SLFN12L: variants seen among roughly 807,000 people sequenced by gnomAD.
SLFN12L encodes schlafen family member 12-like.
SLFN12L carries 34 observed loss-of-function variants against 34.8 expected under a neutral mutation model. That is an observed-to-expected ratio of 0.98 (90% CI 0.74 to 1.30). The LOEUF (loss-of-function observed/expected upper bound fraction) is 1.30. Among genes scored for constraint, SLFN12L ranks in the 50% most tolerant of loss-of-function variants. The pLI is 0.00. For missense variants in SLFN12L, 703 were observed against 696.2 expected (o/e 1.01, Z -0.11); for synonymous variants, 259 against 247.5 (o/e 1.05, Z -0.44).
chr17:35,522,694 C>T lies in SLFN12L; in HGVS notation c.-330G>A. The T allele has an allele frequency of 1.2e-6, 2 of 1,614,024 alleles. No individual in the cohort carries two copies. Among genetic ancestry groups the T allele is most frequent in the South Asian group, 1.1e-5 (1 of 91,076 alleles). On this transcript the variant is annotated 5_prime_UTR_variant, in exon 2 of 5. Transcript: ENST00000628453. ...CCTGACACACACCTCCCCAGTGTAG[C>T]CCCCCATGTTCACCAGCTTCTGCTT...
At chr17:35,490,365 T>G (rs1914787096) in intron 2 of SLFN12L, 2 of 1,333,858 alleles carry the variant, frequency 1.5e-6, no homozygotes, top group Non-Finnish European at 2.2e-6. Flanking sequence ...TACGATAGTC[T>G]CTTGATCTGC....
intron 2 of SLFN12L, among the ~76,000 whole-genome samples, chr17:35,487,179 G>A (rs942123786): frequency 6.6e-6 from 1 of 152,252 alleles, no homozygotes; most frequent in Non-Finnish European, 1.5e-5. Flanking sequence ...TGTCCATACA[G>A]CACTCCCCAC....
rs1259115721 is a variant in SLFN12L, at chr17:35,494,266, T to G, written c.87-14071A>C. 2.6e-5 allele frequency among the ~76,000 whole-genome samples: 4 copies of G among 152,278 alleles called. No homozygotes were observed. The South Asian group carries it at 8.3e-4, about 32-fold the overall frequency. ...ACAAAAAAGCTTTTATGATGGATTTTGTAAACAGATTTGTTACAGGGTGAC... is the reference window on the plus strand; with the variant it reads ...ACAAAAAAGCTTTTATGATGGATTTGGTAAACAGATTTGTTACAGGGTGAC... On this transcript the variant is annotated intron_variant, in intron 2 of 4. Transcript: ENST00000628453.
intron 1 of SLFN12L, among the ~76,000 whole-genome samples, chr17:35,525,908 C>A (rs2072330071): frequency 6.6e-6 from 1 of 152,138 alleles, no homozygotes; most frequent in South Asian, 2.1e-4. Context: ...AAGACACAGA[C>A]TGGCAAATTG....
chr17:35,530,512 GA>G (rs374099295), intron 1 of SLFN12L, among the ~76,000 whole-genome samples: 2,394 of 31,476 alleles, frequency 0.076, 299 homozygotes, highest in African/African-American at 0.15. Context: ...AAGAAAGAAA[GA>G]AAAGAAAAGA....
At chr17:35,481,819 ATATTGGTTTT>A (rs1914349962) in intron 2 of SLFN12L, among the ~76,000 whole-genome samples, 1 of 152,060 alleles carries the variant, frequency 6.6e-6, no homozygotes, top group East Asian at 1.9e-4. Flanking sequence ...CCCACAGATA[ATATTGGTTTT>A]TTTGTTTGTT....
intron 2 of SLFN12L, chr17:35,498,941 A>G (rs920646791): frequency 2.8e-6 from 2 of 722,290 alleles, no homozygotes; most frequent in Non-Finnish European, 5.1e-6. Context: ...TGGAGGTCTT[A>G]CAGGAGCGCA....
Position 35,473,547 on chromosome 17 carries a change from G to A in SLFN12L, c.*1376C>T, listed in dbSNP as rs899169667. ...GCTTTTCTGACATGCCACTGGATTC[G>A]GTTTGCCAGTATTTTATTGATGATT... On this transcript the variant is annotated 3_prime_UTR_variant, in exon 5 of 5. Transcript: ENST00000628453. 3.9e-5 allele frequency: 6 copies of A among 152,108 alleles called. No individual in the cohort carries two copies. Among genetic ancestry groups the A allele is most frequent in the Admixed American group, 6.6e-5 (1 of 15,262 alleles). 9.4% of individuals were successfully genotyped at this position (152,108 alleles called of 1,614,324 possible).
intron 2 of SLFN12L, chr17:35,489,976 A>T: frequency 6.6e-7 from 1 of 1,513,272 alleles, no homozygotes; most frequent in Non-Finnish European, 9.1e-7. Context: ...AAGAACCCTT[A>T]GCAAATTGGG....
At chr17:35,508,297 A>G (rs1218485436) in intron 2 of SLFN12L, among the ~76,000 whole-genome samples, 1 of 152,220 alleles carries the variant, frequency 6.6e-6, no homozygotes, top group East Asian at 1.9e-4. Context: ...TGATGCTCCC[A>G]GTGGAGTAAA....
chr17:35,501,070 A>T (rs963914695), intron 2 of SLFN12L, among the ~76,000 whole-genome samples: 3 of 152,164 alleles, frequency 2.0e-5, no homozygotes, highest in African/African-American at 4.8e-5. Flanking sequence ...GTCCTACTAC[A>T]TTGCTTGGTA....
chr17:35,485,145 C>G (rs1914528546), intron 2 of SLFN12L, among the ~76,000 whole-genome samples: 3 of 152,028 alleles, frequency 2.0e-5, no homozygotes, highest in African/African-American at 7.2e-5. Context: ...GTTTGTCAAT[C>G]TTGATCTTTT....
intron 1 of SLFN12L, among the ~76,000 whole-genome samples, chr17:35,534,321 CACTG>C (rs1597890583): frequency 1.3e-5 from 2 of 152,288 alleles, no homozygotes; most frequent in Admixed American, 6.5e-5. Flanking sequence ...GAGATCGTCC[CACTG>C]CACTCCAGCC....
intron 2 of SLFN12L, among the ~76,000 whole-genome samples, chr17:35,485,685 G>A (rs115117539): frequency 0.014 from 2,079 of 152,278 alleles, 57 homozygotes; most frequent in African/African-American, 0.047. Flanking sequence ...GTTAATTTTT[G>A]TATATGGTGA....
rs1181238310 is a variant in SLFN12L at position 35,472,966 on chromosome 17, G to GTA, written c.*1955_*1956dup. Among the ~76,000 whole-genome samples the GTA allele has an allele frequency of 1.0e-3, 156 of 152,200 alleles. No individual in the cohort carries two copies. The highest frequency in any genetic ancestry group is 1.9e-3 in the Admixed American group (29 of 15,284). On this transcript the variant is annotated 3_prime_UTR_variant, in exon 5 of 5. Coordinates refer to ENST00000628453, the MANE Select transcript of SLFN12L (RefSeq NM_001363830.2). ...GGCTCTCTGCTTGTCTATTGTTGGT[G>GTA]TAATGGAATGCTTGTGACTTTTGCA...
chr17:35,534,128 C>T (rs895434763), intron 1 of SLFN12L, among the ~76,000 whole-genome samples: 7 of 151,790 alleles, frequency 4.6e-5, no homozygotes, highest in African/African-American at 1.7e-4. Context: ...TTTGGGAGGC[C>T]CTGGTGGGCA....
intron 2 of SLFN12L, among the ~76,000 whole-genome samples, chr17:35,502,815 G>T (rs561934499): frequency 9.9e-5 from 15 of 152,078 alleles, no homozygotes; most frequent in African/African-American, 3.4e-4. Context: ...CTTTGGAAAA[G>T]AACGGTTATC....
At position 35,465,340 on chromosome 17, in the gene SLFN12L, A is replaced by T. The variant is rs934124153; in HGVS notation, c.*9583T>A. Among the ~76,000 whole-genome samples the T allele has an allele frequency of 3.3e-5, 5 of 152,304 alleles. No homozygotes were observed. Among genetic ancestry groups the T allele is most frequent in the East Asian group, 3.8e-4 (2 of 5,196 alleles). ...TTAAAAGGTAGCTAAATAGCTTTTT[A>T]AAAATAGCTATGCCTTATTTTATAT... On this transcript the variant is annotated 3_prime_UTR_variant, in exon 5 of 5. Coordinates refer to ENST00000628453, the MANE Select transcript of SLFN12L (RefSeq NM_001363830.2).
intron 1 of SLFN12L, among the ~76,000 whole-genome samples, chr17:35,536,762 T>C (rs1200178421): frequency 1.5e-4 from 23 of 151,882 alleles, no homozygotes; most frequent in African/African-American, 5.1e-4. Context: ...TGAGCCACGA[T>C]TGCATCACTG....
Sources: gnomAD v4.1 joint callset for allele counts (sites outside exome capture counted in the v4.1 genomes callset) on GRCh38, gnomAD v4.1.1 for gene constraint, MANE v1.5 for transcripts, NCBI Gene and HGNC (gene_info 2026-07-23, HGNC 2026-07-21) for gene names.